Variants in GPD2 observed in about 807,000 individuals in gnomAD.
The protein encoded by GPD2 is glycerol-3-phosphate dehydrogenase, mitochondrial.
GPD2 carries 54 observed loss-of-function variants against 82.4 expected under a neutral mutation model. The observed-to-expected ratio is 0.66, with a 90% CI of 0.53 to 0.82. GPD2 has a LOEUF of 0.82. Ranked by LOEUF, GPD2 falls within the 40% of genes least tolerant of loss-of-function variation. GPD2 has a pLI of 0.00. For synonymous variants in GPD2, 288 were observed against 306.1 expected, an observed-to-expected ratio of 0.94 and a Z score of 0.62; for missense variants, 748 against 896.2, an observed-to-expected ratio of 0.83 and a Z score of 2.11.
At position 156,585,008 on chromosome 2, in the gene GPD2, TC is replaced by T. The variant is rs1253040734; in HGVS notation, c.*2092del. 1 of 151,978 alleles carries T rather than the reference TC, an allele frequency of 6.6e-6. No individual in the cohort carries two copies. The highest frequency in any genetic ancestry group is 1.5e-5 in the Non-Finnish European group (1 of 67,930). 9.4% of individuals were successfully genotyped at this position (151,978 alleles called of 1,614,324 possible). ...GTGCATGCTTTGCTATGAATGAAGT[TC>T]CTTTAAGGACAAAGAAAAGCACACT... On this transcript the variant is annotated 3_prime_UTR_variant, in exon 17 of 17. Coordinates refer to ENST00000438166, the MANE Select transcript of GPD2 (RefSeq NM_000408.5).
chr2:156,439,236 A>G (rs550210592), intron 1 of GPD2, among the ~76,000 whole-genome samples: 25 of 152,230 alleles, frequency 1.6e-4, no homozygotes, highest in Admixed American at 2.6e-4. Flanking sequence ...ATTGGCGTGA[A>G]AATGGTAACT....
At chr2:156,400,842 A>C in the GPD2 span, among the ~76,000 whole-genome samples, 3 of 152,166 alleles carry the variant, frequency 2.0e-5, no homozygotes, top group South Asian at 2.1e-4. Flanking sequence ...GCATCTCCAA[A>C]TCAGCCGACG....
intron 2 of GPD2, among the ~76,000 whole-genome samples, chr2:156,492,517 A>G (rs755332589): frequency 6.6e-6 from 1 of 151,502 alleles, no homozygotes; most frequent in East Asian, 1.9e-4. Flanking sequence ...AAACCTGAAT[A>G]AAGCTATATT....
rs756359473 is a variant in GPD2, at chr2:156,550,583, A to C, written c.827-19A>C. ...GAGAAACAAATGAGGTGTGTGATTG[A>C]TGCCACTTTCTTTCACAGGGCAGGA... On this transcript the variant is annotated intron_variant, in intron 7 of 16. Coordinates refer to ENST00000438166, the MANE Select transcript of GPD2 (RefSeq NM_000408.5). 6.2e-7 allele frequency: 1 copy of C among 1,613,222 alleles called. No homozygotes were observed. Among genetic ancestry groups the C allele is most frequent in the Non-Finnish European group, 8.5e-7 (1 of 1,179,140 alleles).
chr2:156,436,059 C>G (rs1300005972), upstream of GPD2, among the ~76,000 whole-genome samples: 1 of 152,258 alleles, frequency 6.6e-6, no homozygotes, highest in Non-Finnish European at 1.5e-5. Context: ...GCTGCGCGAC[C>G]CCACCCGGCG....
At chr2:156,546,585 C>T (rs1200016995) in intron 6 of GPD2, among the ~76,000 whole-genome samples, 2 of 152,026 alleles carry the variant, frequency 1.3e-5, no homozygotes, top group South Asian at 2.1e-4. Context: ...TCTGGGAAGA[C>T]GAGGATTGCT....
the GPD2 span, among the ~76,000 whole-genome samples, chr2:156,423,196 GT>G: frequency 4.6e-5 from 7 of 152,176 alleles, no homozygotes; most frequent in African/African-American, 1.7e-4. Context: ...CAAAGCCCAT[GT>G]TTTCACATAT....
the GPD2 span, among the ~76,000 whole-genome samples, chr2:156,401,201 C>T: frequency 5.9e-5 from 9 of 152,180 alleles, no homozygotes; most frequent in South Asian, 2.1e-4. Flanking sequence ...AGAATTCTAC[C>T]ACTGAACCAC....
At chr2:156,474,589 A>T (rs1365690319) in intron 1 of GPD2, among the ~76,000 whole-genome samples, 1 of 152,044 alleles carries the variant, frequency 6.6e-6, no homozygotes, top group African/African-American at 2.4e-5. Flanking sequence ...CAACTCTAGA[A>T]TTTTTTTTAG....
intron 6 of GPD2, among the ~76,000 whole-genome samples, chr2:156,514,263 T>C (rs1372731885): frequency 6.6e-6 from 1 of 152,054 alleles, no homozygotes; most frequent in African/African-American, 2.4e-5. Context: ...ATTTTACTAG[T>C]AGTTTTAAAG....
intron 9 of GPD2, among the ~76,000 whole-genome samples, chr2:156,560,233 G>A (rs1030369548): frequency 4.6e-5 from 7 of 152,280 alleles, no homozygotes; most frequent in East Asian, 1.9e-4. Flanking sequence ...TGAAGTGAGC[G>A]TGGGGCTTTA....
In GPD2 at chr2:156,545,042, A is replaced by T. The variant is rs192272566; in HGVS notation, c.662-4566A>T. ...TTTCCTTTTTAAGTTTACACATCAT[A>T]CCTTAAAGCAAAATAATCCCCTTAT... On this transcript the variant is annotated intron_variant, in intron 6 of 16. Coordinates refer to ENST00000438166, the MANE Select transcript of GPD2 (RefSeq NM_000408.5). 6.6e-5 allele frequency among the ~76,000 whole-genome samples: 10 copies of T among 152,290 alleles called. No individual in the cohort carries two copies. In the East Asian group the frequency reaches 1.9e-3, roughly 29 times the overall value.
At chr2:156,407,889 C>T in the GPD2 span, among the ~76,000 whole-genome samples, 1 of 151,740 alleles carries the variant, frequency 6.6e-6, no homozygotes, top group Admixed American at 6.6e-5. Flanking sequence ...TCTTTTGCTC[C>T]CAAATGTTAG....
intron 5 of GPD2, 147 bp downstream of exon 5, chr2:156,512,464 T>C: frequency 3.0e-6 from 2 of 675,838 alleles, no homozygotes; most frequent in South Asian, 1.5e-5. Flanking sequence ...TTTTCCTTTG[T>C]TGTATTTAAA....
chr2:156,576,202 T>C (rs1398872992), intron 13 of GPD2, among the ~76,000 whole-genome samples: 4 of 152,180 alleles, frequency 2.6e-5, no homozygotes, highest in African/African-American at 7.2e-5. Flanking sequence ...CCAATTGCAA[T>C]CTTAAGCCGC....
chr2:156,452,158 C>G (rs1221103353), intron 1 of GPD2, among the ~76,000 whole-genome samples: 1 of 152,084 alleles, frequency 6.6e-6, no homozygotes, highest in Non-Finnish European at 1.5e-5. Context: ...GGGTGGCGGC[C>G]GGGCAGAGGC....
chr2:156,500,121 AAC>A (rs1304384592), intron 3 of GPD2, among the ~76,000 whole-genome samples: 12 of 152,108 alleles, frequency 7.9e-5, no homozygotes, highest in African/African-American at 2.9e-4. Context: ...TTTTACAGTT[AAC>A]AGTAGCTAAG....
intron 1 of GPD2, among the ~76,000 whole-genome samples, chr2:156,474,217 T>A (rs924367284): frequency 5.3e-5 from 8 of 152,116 alleles, no homozygotes; most frequent in Non-Finnish European, 1.0e-4. Flanking sequence ...AAAAAAATTT[T>A]AAAAATGCCA....
chr2:156,419,629 T>C, the GPD2 span, among the ~76,000 whole-genome samples: 1 of 152,220 alleles, frequency 6.6e-6, no homozygotes, highest in South Asian at 2.1e-4. Context: ...TCTTTTGTTT[T>C]CTTTCATAAT....
Sources: allele counts gnomAD v4.1 joint callset (sites outside exome capture counted in the v4.1 genomes callset), GRCh38; gene constraint gnomAD v4.1.1; transcripts MANE v1.5; gene names NCBI Gene and HGNC (gene_info 2026-07-23, HGNC 2026-07-21).